The following C8A variants were observed in gnomAD, a reference collection of about 807,000 sequenced individuals.
The protein encoded by C8A is complement component C8 alpha chain.
Under a neutral mutation model 65.3 loss-of-function variants are expected in C8A, and 67 were observed. The observed-to-expected ratio is 1.03, with a 90% CI of 0.84 to 1.26. C8A has a LOEUF of 1.26. Ranked by LOEUF, C8A falls within the 50% of genes most tolerant of loss-of-function variation. The pLI is 0.00. For synonymous variants in C8A, 290 were observed against 259.4 expected (o/e 1.12, Z -1.13); for missense variants, 781 against 723.9 (o/e 1.08, Z -0.90).
At chr1:56,882,019 G>A (rs761780915) in intron 5 of C8A, among the ~76,000 whole-genome samples, 1 of 152,168 alleles carries the variant, frequency 6.6e-6, no homozygotes, top group Non-Finnish European at 1.5e-5. Flanking sequence ...GGGGAGGACA[G>A]GGCATAGATG....
At chr1:56,908,222 A>G (rs1196486704) in intron 9 of C8A, 109 bp downstream of exon 9, 1 of 1,262,828 alleles carries the variant, frequency 7.9e-7, no homozygotes, top group East Asian at 2.4e-5. Flanking sequence ...ACAAGATTAA[A>G]TGTAATGGCA....
Position 56,854,800 on chromosome 1 carries a change from T to C in C8A, c.-102T>C. On this transcript the variant is annotated 5_prime_UTR_variant, in exon 1 of 11. Coordinates refer to ENST00000361249, the MANE Select transcript of C8A (RefSeq NM_000562.3). Reference sequence around the variant, plus strand: ...ATCTGGGTGAGTTTCCAACATCAGATAGATCTTACAGGTCCCAGCCTGTAG... The same window carrying C: ...ATCTGGGTGAGTTTCCAACATCAGACAGATCTTACAGGTCCCAGCCTGTAG... The C allele has an allele frequency of 2.2e-6, 2 of 925,818 alleles. No individual in the cohort carries two copies. The highest frequency in any genetic ancestry group is 4.0e-5 in the Admixed American group (2 of 50,360). 57.4% of individuals were successfully genotyped at this position (925,818 alleles called of 1,614,324 possible).
At chr1:56,910,625 C>A (rs1374264650) in intron 9 of C8A, among the ~76,000 whole-genome samples, 1 of 152,220 alleles carries the variant, frequency 6.6e-6, no homozygotes, top group Non-Finnish European at 1.5e-5. Flanking sequence ...GACTTCCTAA[C>A]AATGGGACTG....
In C8A at chr1:56,876,011, G is replaced by A. The variant is rs1268568126; in HGVS notation, c.317-51G>A. 53 of 1,599,452 alleles carry A rather than the reference G, an allele frequency of 3.3e-5. No homozygotes were observed. In the Admixed American group the frequency reaches 8.8e-4, roughly 26 times the overall value. On this transcript the variant is annotated intron_variant, in intron 3 of 10. Transcript: ENST00000361249. ...AAGGACTTACTGATTGTGGGTGTGAGTCTGGAGGGAGAGGGGAACCCGAGG... is the reference window on the plus strand; with the variant it reads ...AAGGACTTACTGATTGTGGGTGTGAATCTGGAGGGAGAGGGGAACCCGAGG...
chr1:56,870,233 C>T (rs1017600402), intron 2 of C8A, among the ~76,000 whole-genome samples: 1 of 152,102 alleles, frequency 6.6e-6, no homozygotes, highest in Non-Finnish European at 1.5e-5. Context: ...CAGAGCCATG[C>T]TCCCTCTTAG....
intron 10 of C8A, among the ~76,000 whole-genome samples, chr1:56,916,973 G>A (rs978161147): frequency 1.6e-4 from 24 of 152,152 alleles, no homozygotes; most frequent in Non-Finnish European, 3.4e-4. Context: ...CTCCAGGGAG[G>A]TGTCTGGCCA....
intron 4 of C8A, among the ~76,000 whole-genome samples, chr1:56,878,607 C>T (rs1644221878): frequency 6.6e-6 from 1 of 152,114 alleles, no homozygotes; most frequent in Non-Finnish European, 1.5e-5. Context: ...CAAAGGCCTT[C>T]CTTTCTTGCT....
intron 1 of C8A, among the ~76,000 whole-genome samples, chr1:56,865,475 G>A (rs1263890329): frequency 2.0e-5 from 3 of 152,152 alleles, no homozygotes; most frequent in Admixed American, 1.3e-4. Context: ...ATTCATGAGG[G>A]CTTCACCCTC....
intron 1 of C8A, among the ~76,000 whole-genome samples, chr1:56,863,174 G>A (rs1644050700): frequency 6.6e-6 from 1 of 152,188 alleles, no homozygotes; most frequent in South Asian, 2.1e-4. Context: ...AAAATTTGGG[G>A]CAATTCTTTT....
chr1:56,894,779 C>T (rs537974225), intron 7 of C8A, among the ~76,000 whole-genome samples: 5 of 152,222 alleles, frequency 3.3e-5, no homozygotes, highest in Non-Finnish European at 7.4e-5. Flanking sequence ...TACCAAGATG[C>T]TTAATACATT....
At chr1:56,869,693 T>A (rs539950719) in intron 2 of C8A, among the ~76,000 whole-genome samples, 3 of 152,342 alleles carry the variant, frequency 2.0e-5, no homozygotes, top group South Asian at 4.1e-4. Flanking sequence ...TTTGATTTTT[T>A]AATTATGGCC....
intron 9 of C8A, among the ~76,000 whole-genome samples, chr1:56,908,456 A>G (rs1211920484): frequency 6.6e-6 from 1 of 152,234 alleles, no homozygotes; most frequent in African/African-American, 2.4e-5. Context: ...GGGGTGGCAA[A>G]CTTTTTCTGT....
At chr1:56,916,514 G>A (rs1443658201) in intron 10 of C8A, among the ~76,000 whole-genome samples, 1 of 152,162 alleles carries the variant, frequency 6.6e-6, no homozygotes, top group Non-Finnish European at 1.5e-5. Context: ...CCATCAGGGA[G>A]TATAATTACA....
Position 56,890,290 on chromosome 1 carries a change from C to T in C8A, c.1096+4123C>T, listed in dbSNP as rs602517. Reference sequence around the variant, plus strand: ...GGGGCATCCCCACCTCTGTGAAACCCGCTCTGATATTGCTCCACCCCTTCT... The same window carrying T: ...GGGGCATCCCCACCTCTGTGAAACCTGCTCTGATATTGCTCCACCCCTTCT... On this transcript the variant is annotated intron_variant, in intron 7 of 10. Transcript: ENST00000361249. Among the ~76,000 whole-genome samples, 965 of 152,240 alleles carry T rather than the reference C, an allele frequency of 6.3e-3. 4 individuals carry two copies. The highest frequency in any genetic ancestry group is 0.034 in the East Asian group (174 of 5,172).
chr1:56,903,462 T>C (rs1380855185), intron 7 of C8A, among the ~76,000 whole-genome samples: 2 of 152,216 alleles, frequency 1.3e-5, no homozygotes, highest in Non-Finnish European at 2.9e-5. Context: ...CTTTCTTTTA[T>C]AAAATCACCC....
At chr1:56,857,445 T>C (rs1643987941) in intron 1 of C8A, among the ~76,000 whole-genome samples, 1 of 152,044 alleles carries the variant, frequency 6.6e-6, no homozygotes, top group Admixed American at 6.5e-5. Flanking sequence ...TTAATACATA[T>C]AGTTATGCTT....
intron 4 of C8A, among the ~76,000 whole-genome samples, chr1:56,877,060 A>C (rs1302304318): frequency 6.6e-6 from 1 of 152,202 alleles, no homozygotes; most frequent in African/African-American, 2.4e-5. Context: ...GAAGACAAAG[A>C]TATACCAGCG....
intron 10 of C8A, among the ~76,000 whole-genome samples, chr1:56,913,993 C>T (rs1644530961): frequency 6.6e-6 from 1 of 152,152 alleles, no homozygotes; most frequent in Admixed American, 6.5e-5. Context: ...TCTGGCGTAC[C>T]AAGATTTTTG....
At chr1:56,914,599 G>A (rs1441545066) in intron 10 of C8A, among the ~76,000 whole-genome samples, 3 of 152,126 alleles carry the variant, frequency 2.0e-5, no homozygotes, top group Non-Finnish European at 2.9e-5. Context: ...TTTCCTCATT[G>A]GGAGAGTAGT....
Sources: gnomAD v4.1 joint callset for allele counts (sites outside exome capture counted in the v4.1 genomes callset) on GRCh38, gnomAD v4.1.1 for gene constraint, MANE v1.5 for transcripts, NCBI Gene and HGNC (gene_info 2026-07-23, HGNC 2026-07-21) for gene names.